The following PDE4B variants were observed in gnomAD, a reference collection of about 807,000 sequenced individuals.
The protein encoded by PDE4B is phosphodiesterase 4B, also known as 3',5'-cyclic-AMP phosphodiesterase 4B.
In PDE4B, 20 loss-of-function variants were observed where a neutral mutation model predicts 82.2. The ratio of observed to expected loss-of-function variants is 0.24; its 90% CI spans 0.17 to 0.35. The LOEUF (loss-of-function observed/expected upper bound fraction) is 0.35. Ranked by LOEUF, PDE4B falls within the 10% of genes least tolerant of loss-of-function variation. PDE4B has a pLI of 1.00. For synonymous variants in PDE4B, 320 were observed against 318.9 expected (o/e 1.00, Z -0.04); for missense variants, 655 against 907.2 (o/e 0.72, Z 3.57).
chr1:66,050,000 TC>T (rs1312471441), intron 3 of PDE4B, among the ~76,000 whole-genome samples: 1 of 152,030 alleles, frequency 6.6e-6, no homozygotes, highest in Admixed American at 6.6e-5. Flanking sequence ...GAAGAATAAT[TC>T]AAAAAGACAG....
intron 3 of PDE4B, among the ~76,000 whole-genome samples, chr1:66,043,576 A>G (rs1337045450): frequency 2.6e-5 from 4 of 151,878 alleles, no homozygotes; most frequent in East Asian, 3.9e-4. Flanking sequence ...TTTCTGGTAC[A>G]TTGCCTAGGA....
At chr1:66,161,330 T>C (rs1448301955) in intron 3 of PDE4B, among the ~76,000 whole-genome samples, 1 of 152,112 alleles carries the variant, frequency 6.6e-6, no homozygotes, top group Admixed American at 6.6e-5. Flanking sequence ...GTTTTCTTTT[T>C]AATGTATTCT....
At chr1:66,068,996 A>C (rs938458792) in intron 3 of PDE4B, among the ~76,000 whole-genome samples, 2 of 152,042 alleles carry the variant, frequency 1.3e-5, no homozygotes, top group African/African-American at 2.4e-5. Flanking sequence ...CCATTCTTCT[A>C]TGAGACATAG....
At chr1:66,082,624 T>G (rs967803493) in intron 3 of PDE4B, among the ~76,000 whole-genome samples, 1 of 142,082 alleles carries the variant, frequency 7.0e-6, no homozygotes, top group Non-Finnish European at 1.5e-5. Context: ...GTATAGGAAT[T>G]TTGATAGGAT....
At chr1:65,923,714 A>G (rs1647338512) in intron 3 of PDE4B, among the ~76,000 whole-genome samples, 1 of 152,178 alleles carries the variant, frequency 6.6e-6, no homozygotes, top group South Asian at 2.1e-4. Context: ...TTAGGAAATC[A>G]GCTATCACTC....
intron 1 of PDE4B, among the ~76,000 whole-genome samples, chr1:65,901,339 T>G (rs6668241): frequency 0.17 from 25,852 of 152,104 alleles, 2,427 homozygotes; most frequent in Middle Eastern, 0.3. Flanking sequence ...CTGATGTGCT[T>G]CTGAATTCAG....
intron 3 of PDE4B, among the ~76,000 whole-genome samples, chr1:66,083,097 T>G (rs1297687935): frequency 6.6e-6 from 1 of 152,174 alleles, no homozygotes; most frequent in Non-Finnish European, 1.5e-5. Flanking sequence ...TTTGTGCCTA[T>G]TACCACAACA....
intron 3 of PDE4B, among the ~76,000 whole-genome samples, chr1:66,240,354 G>A (rs77402653): frequency 6.3e-4 from 96 of 152,318 alleles, no homozygotes; most frequent in African/African-American, 2.3e-3. Context: ...AGTATCATCT[G>A]ACTCAATTCT....
At chr1:65,966,277 A>G (rs934088760) in intron 3 of PDE4B, among the ~76,000 whole-genome samples, 1 of 152,230 alleles carries the variant, frequency 6.6e-6, no homozygotes, top group Non-Finnish European at 1.5e-5. Flanking sequence ...GAGCCAAATC[A>G]TGAGTGAACT....
At chr1:65,924,077 AT>A (rs71058436) in intron 3 of PDE4B, among the ~76,000 whole-genome samples, 3 of 40,784 alleles carry the variant, frequency 7.4e-5, no homozygotes, top group African/African-American at 2.0e-4. Context: ...CAGTTTGCTA[AT>A]TTTTTTTTTT....
At chr1:66,044,713 A>G (rs889689077) in intron 3 of PDE4B, among the ~76,000 whole-genome samples, 1 of 151,816 alleles carries the variant, frequency 6.6e-6, no homozygotes, top group African/African-American at 2.4e-5. Flanking sequence ...CAAATAATTA[A>G]GACTGAATGT....
intron 3 of PDE4B, among the ~76,000 whole-genome samples, chr1:66,192,931 C>G (rs1043197783): frequency 6.6e-6 from 1 of 152,112 alleles, no homozygotes; most frequent in Non-Finnish European, 1.5e-5. Flanking sequence ...GTTTAAGGTA[C>G]TTGCCCAAAG....
At chr1:65,988,497 A>G (rs1444286585) in intron 3 of PDE4B, among the ~76,000 whole-genome samples, 1 of 152,128 alleles carries the variant, frequency 6.6e-6, no homozygotes, top group African/African-American at 2.4e-5. Flanking sequence ...GATCTTGTAT[A>G]GCTTTACTTG....
intron 3 of PDE4B, among the ~76,000 whole-genome samples, chr1:65,984,541 A>G (rs548284716): frequency 2.3e-4 from 35 of 152,172 alleles, no homozygotes; most frequent in Admixed American, 3.9e-4. Flanking sequence ...CAAAAAATAT[A>G]TGTTCTTGTT....
chr1:66,266,568 G>T, intron 7 of PDE4B: 1 of 392,760 alleles, frequency 2.5e-6, no homozygotes, highest in Non-Finnish European at 5.1e-6. Flanking sequence ...GCTCTTTCCA[G>T]GTCACGAATC....
chr1:66,338,861 A>G (rs12729334), intron 8 of PDE4B, among the ~76,000 whole-genome samples: 16,700 of 142,636 alleles, frequency 0.12, 1,017 homozygotes, highest in Non-Finnish European at 0.16. Flanking sequence ...TACTAAAAAT[A>G]CAAAAAAATT....
chr1:65,917,993 G>A (rs1473932176), intron 2 of PDE4B, among the ~76,000 whole-genome samples: 4 of 152,030 alleles, frequency 2.6e-5, no homozygotes, highest in Admixed American at 2.6e-4. Context: ...GCGAAACCCC[G>A]TCCCTACTAA....
intron 7 of PDE4B, among the ~76,000 whole-genome samples, chr1:66,303,447 G>T (rs1557689151): frequency 6.6e-6 from 1 of 151,620 alleles, no homozygotes; most frequent in Non-Finnish European, 1.5e-5. Flanking sequence ...TTTATGGTAA[G>T]AACATTTAAG....
intron 3 of PDE4B, among the ~76,000 whole-genome samples, chr1:66,004,137 A>G (rs1461253165): frequency 6.6e-6 from 1 of 152,204 alleles, no homozygotes; most frequent in Non-Finnish European, 1.5e-5. Flanking sequence ...TTAGGCCTTT[A>G]TGAAGATTAA....
Sources: gnomAD v4.1 joint callset for allele counts (sites outside exome capture counted in the v4.1 genomes callset) on GRCh38, gnomAD v4.1.1 for gene constraint, MANE v1.5 for transcripts, NCBI Gene and HGNC (gene_info 2026-07-23, HGNC 2026-07-21) for gene names.